Variants in TBC1D5 observed in about 807,000 individuals in gnomAD.
TBC1D5 encodes TBC1 domain family member 5.
A neutral mutation model predicts 100.3 loss-of-function variants in TBC1D5; 75 were observed. The ratio of observed to expected loss-of-function variants is 0.75; its 90% CI spans 0.62 to 0.91. The LOEUF is 0.91. Ranked by LOEUF, TBC1D5 falls within the 40% of genes least tolerant of loss-of-function variation. The pLI is 0.00. For synonymous variants in TBC1D5, 323 were observed against 325.6 expected (o/e 0.99, Z 0.09); for missense variants, 910 against 942.4 (o/e 0.97, Z 0.45).
At chr3:17,303,065 C>T (rs955610249) in intron 14 of TBC1D5, among the ~76,000 whole-genome samples, 3 of 152,150 alleles carry the variant, frequency 2.0e-5, no homozygotes, top group Non-Finnish European at 4.4e-5. Context: ...TAGTCCTGAC[C>T]TCCCATGCAA....
chr3:17,651,201 C>T (rs1284723636), intron 1 of TBC1D5, among the ~76,000 whole-genome samples: 3 of 151,960 alleles, frequency 2.0e-5, no homozygotes, highest in African/African-American at 4.8e-5. Context: ...AAATACATAA[C>T]GTTTTCATTT....
chr3:17,525,501 G>T (rs1306201519), intron 2 of TBC1D5, among the ~76,000 whole-genome samples: 1 of 152,104 alleles, frequency 6.6e-6, no homozygotes, highest in African/African-American at 2.4e-5. Flanking sequence ...CTACAATTGT[G>T]AAGCAAAATT....
At chr3:17,604,983 T>C (rs1422970220) in intron 2 of TBC1D5, among the ~76,000 whole-genome samples, 1 of 152,222 alleles carries the variant, frequency 6.6e-6, no homozygotes, top group Non-Finnish European at 1.5e-5. Context: ...GCCAGATCCA[T>C]GATATTTTGA....
intron 13 of TBC1D5, among the ~76,000 whole-genome samples, chr3:17,318,417 C>T (rs1296744811): frequency 6.6e-6 from 1 of 152,090 alleles, no homozygotes; most frequent in East Asian, 1.9e-4. Context: ...CACATTTGAT[C>T]TTGAAACAAG....
chr3:17,212,497 T>C (rs970252280), intron 18 of TBC1D5, among the ~76,000 whole-genome samples: 1 of 151,918 alleles, frequency 6.6e-6, no homozygotes, highest in Non-Finnish European at 1.5e-5. Flanking sequence ...CTTCTAGTTA[T>C]ATATATATAT....
chr3:17,732,177 G>C (rs911022869), intron 1 of TBC1D5, among the ~76,000 whole-genome samples: 1 of 152,026 alleles, frequency 6.6e-6, no homozygotes, highest in Non-Finnish European at 1.5e-5. Flanking sequence ...AATTAGCTGG[G>C]CATGGTGGTG....
At chr3:17,482,109 T>C (rs2095509150) in intron 3 of TBC1D5, among the ~76,000 whole-genome samples, 1 of 152,168 alleles carries the variant, frequency 6.6e-6, no homozygotes, top group African/African-American at 2.4e-5. Flanking sequence ...CAGAACACAA[T>C]TGTCTGAGCA....
chr3:17,739,492 A>C (rs1039898886), exon 1 of TBC1D5: 3 of 152,202 alleles, frequency 2.0e-5, no homozygotes, highest in South Asian at 2.1e-4. Context: ...CAAACACTAA[A>C]TCTACTACGC....
chr3:17,322,622 T>C (rs943050933), intron 13 of TBC1D5, among the ~76,000 whole-genome samples: 1 of 152,224 alleles, frequency 6.6e-6, no homozygotes, highest in Admixed American at 6.5e-5. Context: ...AGACGCAGAC[T>C]CAAGGCCGAG....
intron 2 of TBC1D5, among the ~76,000 whole-genome samples, chr3:17,581,297 T>C (rs1288284406): frequency 6.6e-6 from 1 of 152,236 alleles, no homozygotes; most frequent in Non-Finnish European, 1.5e-5. Flanking sequence ...TATTTCTTCA[T>C]AGCAGTATGA....
At chr3:17,404,421 C>T (rs990420744) in intron 7 of TBC1D5, among the ~76,000 whole-genome samples, 2 of 152,020 alleles carry the variant, frequency 1.3e-5, no homozygotes, top group Non-Finnish European at 2.9e-5. Context: ...GTTTTATTCT[C>T]ATCTTTATGG....
intron 2 of TBC1D5, among the ~76,000 whole-genome samples, chr3:17,517,750 C>T (rs899392803): frequency 5.9e-5 from 9 of 151,976 alleles, no homozygotes; most frequent in African/African-American, 4.8e-5. Flanking sequence ...CATACAAATA[C>T]AAACATGATA....
intron 8 of TBC1D5, among the ~76,000 whole-genome samples, chr3:17,398,218 T>C (rs558390336): frequency 6.6e-6 from 1 of 152,118 alleles, no homozygotes; most frequent in Non-Finnish European, 1.5e-5. Flanking sequence ...ACCTTTTGAT[T>C]ATCAGTTTTT....
At chr3:17,413,815 T>C (rs986685429) in intron 4 of TBC1D5, among the ~76,000 whole-genome samples, 26 of 152,190 alleles carry the variant, frequency 1.7e-4, no homozygotes, top group African/African-American at 5.8e-4. Context: ...AAACAATGTG[T>C]TTGTGGGCTA....
At chr3:17,506,434 T>A (rs943039814) in intron 3 of TBC1D5, among the ~76,000 whole-genome samples, 33 of 152,182 alleles carry the variant, frequency 2.2e-4, no homozygotes, top group Admixed American at 2.2e-3. Context: ...TTGACAGCTG[T>A]TTTAGAGCAT....
intron 15 of TBC1D5, among the ~76,000 whole-genome samples, chr3:17,288,420 G>A (rs971569984): frequency 1.3e-5 from 2 of 152,064 alleles, no homozygotes; most frequent in Non-Finnish European, 2.9e-5. Flanking sequence ...TACAAGTCCC[G>A]GGGTAAATCC....
intron 3 of TBC1D5, among the ~76,000 whole-genome samples, chr3:17,469,177 A>C (rs2095343798): frequency 6.6e-6 from 1 of 152,222 alleles, no homozygotes; most frequent in South Asian, 2.1e-4. Context: ...AATTATTAAA[A>C]AGATACATGT....
At chr3:17,296,308 T>A (rs1023386392) in intron 14 of TBC1D5, among the ~76,000 whole-genome samples, 1 of 152,222 alleles carries the variant, frequency 6.6e-6, no homozygotes, top group African/African-American at 2.4e-5. Context: ...CAATGTGCAA[T>A]GAAAGTGCCT....
chr3:17,425,620 C>A (rs533016502), intron 4 of TBC1D5, among the ~76,000 whole-genome samples: 19 of 152,070 alleles, frequency 1.2e-4, no homozygotes, highest in East Asian at 1.9e-4. Context: ...CAGAGTGAGA[C>A]CCTGTCTCAA....
Sources: allele counts gnomAD v4.1 joint callset (sites outside exome capture counted in the v4.1 genomes callset), GRCh38; gene constraint gnomAD v4.1.1; transcripts MANE v1.5; gene names NCBI Gene and HGNC (gene_info 2026-07-23, HGNC 2026-07-21).